CIITA: variants seen among roughly 807,000 people sequenced by gnomAD.
CIITA encodes the protein MHC class II transactivator.
CIITA carries 72 observed loss-of-function variants against 115.1 expected under a neutral mutation model. The observed-to-expected ratio is 0.63, with a 90% CI of 0.52 to 0.76. The LOEUF (loss-of-function observed/expected upper bound fraction) is 0.76, where lower values mean the gene tolerates loss of function less well. Among genes scored for constraint, CIITA ranks in the 30% least tolerant of loss-of-function variants. The probability of loss-of-function intolerance (pLI) is 0.00; values close to 1 mark genes in which losing one functional copy is unlikely to be tolerated. For synonymous variants in CIITA, 763 were observed against 635.6 expected, an observed-to-expected ratio of 1.20 and a Z score of -3.02; for missense variants, 1,617 against 1,463.8, an observed-to-expected ratio of 1.10 and a Z score of -1.71.
Position 10,922,453 on chromosome 16 carries a change from G to A in CIITA, c.3280G>A (p.Ala1094Thr), listed in dbSNP as rs1330617519. ...FTAAGAQQLA[A>T]SLRRCPHVET... ...GGCTGCCGGGGCCCAGCAGCTCGCTGCCAGCCTTCGGAGGTGTCCTCATGT... is the reference window on the plus strand; with the variant it reads ...GGCTGCCGGGGCCCAGCAGCTCGCTACCAGCCTTCGGAGGTGTCCTCATGT... Residue 1094 changes from alanine to threonine, a missense_variant, in exon 18 of 20, where the codon GCC (alanine) becomes ACC (threonine). Transcript: ENST00000324288. The A allele has an allele frequency of 6.2e-7, 1 of 1,614,140 alleles. No homozygotes were observed. Among genetic ancestry groups the A allele is most frequent in the Non-Finnish European group, 8.5e-7 (1 of 1,180,008 alleles).
chr16:10,907,811 A>C lies in CIITA; in HGVS notation c.2319A>C (p.Leu773=), dbSNP rs1243177242. 6.2e-7 allele frequency: 1 copy of C among 1,613,876 alleles called. No individual in the cohort carries two copies. Among genetic ancestry groups the C allele is most frequent in the Non-Finnish European group, 8.5e-7 (1 of 1,179,924 alleles). ...FQPPARCLGA[L]LGPSAAASVD... ...CTCCCGCCCGCTGCCTGGGAGCCCT[A>C]CTCGGGCCATCGGCGGCTGCCTCGG... The change falls in exon 11 of 20, where the codon CTA becomes CTC. Residue 773 remains leucine (L), a synonymous_variant. Transcript: ENST00000324288. The surrounding 1 kb of genome is among the most constrained non-coding windows in gnomAD (Gnocchi z 5.0).
upstream of CIITA, among the ~76,000 whole-genome samples, chr16:10,876,100 C>T (rs1471719025): frequency 6.6e-6 from 1 of 152,022 alleles, no homozygotes; most frequent in Non-Finnish European, 1.5e-5. Context: ...GAGGTTGCAG[C>T]GAGCCAAGAT....
At chr16:10,866,796 G>T (rs1251106265) in intron 1 of CIITA, among the ~76,000 whole-genome samples, 2 of 152,198 alleles carry the variant, frequency 1.3e-5, no homozygotes, top group African/African-American at 4.8e-5. Context: ...ACCATCCCAG[G>T]GGCACGCAGC....
At chr16:10,911,082 G>C (rs1026847402) in intron 13 of CIITA, among the ~76,000 whole-genome samples, 1 of 152,150 alleles carries the variant, frequency 6.6e-6, no homozygotes, top group African/African-American at 2.4e-5. Flanking sequence ...CCTAGGCAAG[G>C]CTCTAGGGAG....
At chr16:10,890,445 C>G (rs1323144739) in intron 1 of CIITA, among the ~76,000 whole-genome samples, 1 of 152,092 alleles carries the variant, frequency 6.6e-6, no homozygotes, top group Non-Finnish European at 1.5e-5. Context: ...CATCACCACG[C>G]CCAGCTAAGT....
At chr16:10,912,992 T>A (rs2039684921) in intron 13 of CIITA, among the ~76,000 whole-genome samples, 1 of 152,252 alleles carries the variant, frequency 6.6e-6, no homozygotes, top group South Asian at 2.1e-4. Context: ...GGGACTTCGT[T>A]TGTACACAGA....
chr16:10,871,243 G>T (rs2035461261), intron 1 of CIITA, among the ~76,000 whole-genome samples: 1 of 152,238 alleles, frequency 6.6e-6, no homozygotes, highest in Non-Finnish European at 1.5e-5. Context: ...AGAGGAAGCT[G>T]GTTCTGACTC....
intron 1 of CIITA, among the ~76,000 whole-genome samples, chr16:10,885,607 G>A (rs943260686): frequency 6.6e-6 from 1 of 152,158 alleles, no homozygotes. Context: ...CAAACAGCAG[G>A]CTGGAGAGTG....
chr16:10,882,150 TC>T (rs1297199558), intron 1 of CIITA, among the ~76,000 whole-genome samples: 1 of 152,222 alleles, frequency 6.6e-6, no homozygotes, highest in East Asian at 1.9e-4. Context: ...TCTGTCTGAC[TC>T]CCCGCTTTCA....
intron 5 of CIITA, among the ~76,000 whole-genome samples, chr16:10,899,607 T>G (rs1221657835): frequency 6.6e-6 from 1 of 152,224 alleles, no homozygotes; most frequent in African/African-American, 2.4e-5. Context: ...TCTAGTGCAG[T>G]GCCTGGTATG....
intron 1 of CIITA, among the ~76,000 whole-genome samples, chr16:10,883,672 G>C (rs953624334): frequency 6.6e-6 from 1 of 152,204 alleles, no homozygotes; most frequent in Admixed American, 6.5e-5. Context: ...ATAGAAGTAA[G>C]TTGTCTCAGG....
At chr16:10,876,849 G>A (rs186533877), upstream of CIITA, among the ~76,000 whole-genome samples, 3 of 152,298 alleles carry the variant, frequency 2.0e-5, no homozygotes, top group African/African-American at 7.2e-5. Flanking sequence ...TGAGGCATCT[G>A]GGCGGAGGGC....
At chr16:10,915,242 G>A (rs1283949128) in intron 13 of CIITA, among the ~76,000 whole-genome samples, 3 of 151,872 alleles carry the variant, frequency 2.0e-5, no homozygotes, top group Non-Finnish European at 4.4e-5. Context: ...TAGAGACTGA[G>A]TCTCACTATG....
At position 10,910,248 on chromosome 16, in the gene CIITA, A is replaced by C. The variant is rs748846535; in HGVS notation, c.2877A>C (p.Lys959Asn). The C allele has an allele frequency of 6.2e-7, 1 of 1,613,922 alleles. No individual in the cohort carries two copies. Among genetic ancestry groups the C allele is most frequent in the Admixed American group, 1.7e-5 (1 of 60,010 alleles). Residue 959 changes from lysine (K) to asparagine (N), a missense_variant, in exon 13 of 20, where the codon AAA becomes AAC. Physicochemically the swap from Lys to Asn is moderately conservative, Grantham distance 94. Transcript: ENST00000324288. ...GELPAVRDLK[K>N]LEFALGPVSG... is the part of the protein sequence containing the mutation. ...TCCCTGCTGTTCGGGACCTAAAGAA[A>C]CTGGAGTTTGCGTAAGCAAAGGGGT...
chr16:10,908,200 C>A (rs755605981), intron 11 of CIITA, 51 bp downstream of exon 11: 5 of 1,546,102 alleles, frequency 3.2e-6, no homozygotes, highest in Non-Finnish European at 4.4e-6. Context: ...GCATTAACTG[C>A]GGTCTTGGTG....
At chr16:10,891,739 A>G (rs1321036385) in intron 1 of CIITA, among the ~76,000 whole-genome samples, 1 of 152,190 alleles carries the variant, frequency 6.6e-6, no homozygotes, top group African/African-American at 2.4e-5. Flanking sequence ...TCCCTGACCA[A>G]GGGGCTGGGA....
rs1226305807 is a variant in CIITA at position 10,906,590 on chromosome 16, G to A, written c.1098G>A (p.Val366=). 1 of 1,613,550 alleles carries A rather than the reference G, an allele frequency of 6.2e-7. No homozygotes were observed. The highest frequency in any genetic ancestry group is 8.5e-7 in the Non-Finnish European group (1 of 1,180,030). The change falls in exon 11 of 20, where the codon GTG becomes GTA. Residue 366 remains valine (V), a synonymous_variant. Coordinates refer to ENST00000324288, the MANE Select transcript of CIITA (RefSeq NM_000246.4). ...GCATCCTAGTGGAGGTGGATCTGGT[G>A]CAGGCCAGGCTGGAGAGGAGCAGCA... ...PDGILVEVDL[V]QARLERSSSK... is the part of the protein sequence containing the mutation.
chr16:10,917,784 A>G (rs144284610), intron 15 of CIITA, among the ~76,000 whole-genome samples: 1 of 152,308 alleles, frequency 6.6e-6, no homozygotes, highest in Non-Finnish European at 1.5e-5. Context: ...CCAGTTCAAC[A>G]TGATTTTTTA....
intron 3 of CIITA, among the ~76,000 whole-genome samples, chr16:10,898,122 T>C (rs910071278): frequency 4.6e-5 from 7 of 152,158 alleles, no homozygotes; most frequent in African/African-American, 1.2e-4. Context: ...TACACCTTTT[T>C]TCTCGGACTT....
Sources: allele counts gnomAD v4.1 joint callset (sites outside exome capture counted in the v4.1 genomes callset), GRCh38; gene constraint gnomAD v4.1.1; non-coding constraint Gnocchi (gnomAD v3.1); transcripts MANE v1.5; gene names NCBI Gene and HGNC (gene_info 2026-07-23, HGNC 2026-07-21).